PRKN: variants seen among roughly 807,000 people sequenced by gnomAD.
The protein encoded by PRKN is parkin RBR E3 ubiquitin protein ligase, also known as E3 ubiquitin-protein ligase parkin.
In PRKN, 56 loss-of-function variants were observed where a neutral mutation model predicts 59.5. The observed-to-expected ratio is 0.94, with a 90% CI of 0.76 to 1.18. The LOEUF is 1.18. PRKN is among the 50% of genes most tolerant of loss of function. The pLI is 0.00. For synonymous variants in PRKN, 250 were observed against 222.1 expected, an observed-to-expected ratio of 1.13 and a Z score of -1.12; for missense variants, 657 against 596.4, an observed-to-expected ratio of 1.10 and a Z score of -1.06.
intron 1 of PRKN, among the ~76,000 whole-genome samples, chr6:162,621,633 A>G (rs1456771842): frequency 6.6e-6 from 1 of 152,160 alleles, no homozygotes. Flanking sequence ...ATTGACATAG[A>G]CTATTTCTTG....
intron 7 of PRKN, among the ~76,000 whole-genome samples, chr6:161,650,696 T>C (rs1308893457): frequency 6.6e-6 from 1 of 152,228 alleles, no homozygotes; most frequent in Non-Finnish European, 1.5e-5. Context: ...GCAAATCTCA[T>C]ATCTAGGAGA....
intron 2 of PRKN, among the ~76,000 whole-genome samples, chr6:162,423,764 A>C (rs541003883): frequency 6.6e-6 from 1 of 152,308 alleles, no homozygotes; most frequent in Admixed American, 6.5e-5. Context: ...TATAGAAGAG[A>C]CCATTAATTA....
chr6:162,178,627 A>C (rs1783645691), intron 4 of PRKN, among the ~76,000 whole-genome samples: 1 of 152,172 alleles, frequency 6.6e-6, no homozygotes, highest in Non-Finnish European at 1.5e-5. Context: ...CGTGCTGCCA[A>C]AGTGCTGCAG....
chr6:161,669,446 G>A (rs1784833368), intron 7 of PRKN, among the ~76,000 whole-genome samples: 1 of 152,166 alleles, frequency 6.6e-6, no homozygotes, highest in African/African-American at 2.4e-5. Context: ...GCTGGGCTTG[G>A]AACACCACCT....
chr6:161,805,481 T>C (rs201231597), intron 6 of PRKN, among the ~76,000 whole-genome samples: 2 of 23,142 alleles, frequency 8.6e-5, no homozygotes, highest in East Asian at 1.9e-3. Flanking sequence ...CACACACACA[T>C]GCATGTACAC....
chr6:162,395,663 C>T (rs1053305663), intron 2 of PRKN, among the ~76,000 whole-genome samples: 6 of 151,694 alleles, frequency 4.0e-5, no homozygotes, highest in Non-Finnish European at 7.4e-5. Flanking sequence ...CTGATACAAA[C>T]GCCAAAGTTA....
chr6:162,132,009 A>T (rs1042255779), intron 4 of PRKN, among the ~76,000 whole-genome samples: 3 of 152,242 alleles, frequency 2.0e-5, no homozygotes, highest in Non-Finnish European at 2.9e-5. Context: ...TCACTTACAG[A>T]TAACATGCCA....
At chr6:162,466,069 TTTTATG>T (rs761519971) in intron 1 of PRKN, among the ~76,000 whole-genome samples, 4 of 152,208 alleles carry the variant, frequency 2.6e-5, no homozygotes, top group Non-Finnish European at 5.9e-5. Flanking sequence ...AGATATATAT[TTTTATG>T]TTTATAACAG....
At chr6:162,535,878 A>C (rs1778695394) in intron 1 of PRKN, among the ~76,000 whole-genome samples, 1 of 151,790 alleles carries the variant, frequency 6.6e-6, no homozygotes. Context: ...ACTGCACTCC[A>C]ACCTGGGTGA....
intron 1 of PRKN, among the ~76,000 whole-genome samples, chr6:162,701,088 T>G: frequency 6.6e-6 from 1 of 152,162 alleles, no homozygotes; most frequent in East Asian, 1.9e-4. Context: ...AATAAAGGAA[T>G]CAGTGGTGCT....
intron 6 of PRKN, among the ~76,000 whole-genome samples, chr6:161,968,898 ATC>A (rs1780688826): frequency 6.6e-6 from 1 of 152,234 alleles, no homozygotes; most frequent in South Asian, 2.1e-4. Context: ...CTGAAACCAG[ATC>A]TGTTTTGTAG....
chr6:161,474,206 G>A (rs1790949288), intron 9 of PRKN, among the ~76,000 whole-genome samples: 1 of 152,166 alleles, frequency 6.6e-6, no homozygotes, highest in East Asian at 1.9e-4. Flanking sequence ...AGTCATGTGA[G>A]GAATGAATTG....
chr6:162,048,284 A>C (rs140393162), intron 5 of PRKN, among the ~76,000 whole-genome samples: 326 of 152,296 alleles, frequency 2.1e-3, no homozygotes, highest in African/African-American at 7.6e-3. Flanking sequence ...TATTACTTTA[A>C]AGAGATCACT....
At chr6:161,932,647 A>C (rs1436519606) in intron 6 of PRKN, among the ~76,000 whole-genome samples, 1 of 152,212 alleles carries the variant, frequency 6.6e-6, no homozygotes, top group Non-Finnish European at 1.5e-5. Context: ...GTGTGTAGCT[A>C]TAAAAAAATT....
intron 5 of PRKN, among the ~76,000 whole-genome samples, chr6:162,033,646 C>T (rs140808377): frequency 6.2e-4 from 94 of 152,252 alleles, no homozygotes; most frequent in African/African-American, 2.2e-3. Context: ...TAATCATTCC[C>T]AGAGGTTCTC....
chr6:161,567,786 C>CA (rs1301417438), intron 8 of PRKN, among the ~76,000 whole-genome samples: 10 of 152,058 alleles, frequency 6.6e-5, no homozygotes, highest in Non-Finnish European at 1.3e-4. Context: ...GACTCTAAAA[C>CA]AAAAATGGAA....
intron 1 of PRKN, among the ~76,000 whole-genome samples, chr6:162,578,909 T>A (rs1381145015): frequency 6.6e-6 from 1 of 152,158 alleles, no homozygotes; most frequent in Non-Finnish European, 1.5e-5. Flanking sequence ...TGAACTTAAG[T>A]TCCAAAAGTT....
chr6:161,531,554 C>T lies in PRKN; in HGVS notation c.1083+17300G>A, dbSNP rs145666447. Among the ~76,000 whole-genome samples the T allele has an allele frequency of 4.4e-3, 677 of 152,156 alleles. 3 individuals are homozygous for T. Among genetic ancestry groups the T allele is most frequent in the Non-Finnish European group, 5.2e-3 (357 of 68,002 alleles). On this transcript the variant is annotated intron_variant, in intron 9 of 11. Transcript: ENST00000366898. ...GGTAGGTGGCCCAGTAAGACCATCC[C>T]AAAGAAAGGAACCTGGGCAGAATCC... is the stretch of plus-strand genomic sequence containing the variant.
intron 7 of PRKN, among the ~76,000 whole-genome samples, chr6:161,766,141 T>C (rs1211510831): frequency 6.6e-6 from 1 of 152,180 alleles, no homozygotes; most frequent in Non-Finnish European, 1.5e-5. Context: ...AGTTCTTTTA[T>C]TCTACAAAAA....
Sources: allele counts gnomAD v4.1 joint callset (sites outside exome capture counted in the v4.1 genomes callset), GRCh38; gene constraint gnomAD v4.1.1; transcripts MANE v1.5; gene names NCBI Gene and HGNC (gene_info 2026-07-23, HGNC 2026-07-21).